The following ABCC1 variants were observed in gnomAD, a reference collection of about 807,000 sequenced individuals.
The protein encoded by ABCC1 is ATP binding cassette subfamily C member 1 (ABCC1 blood group), also known as multidrug resistance-associated protein 1.
ABCC1 carries 83 observed loss-of-function variants against 172.9 expected under a neutral mutation model. That is an observed-to-expected ratio of 0.48 (90% CI 0.40 to 0.58). ABCC1 has a LOEUF of 0.58. Among genes scored for constraint, ABCC1 ranks in the 20% least tolerant of loss-of-function variants. ABCC1 has a pLI of 0.00. For synonymous variants in ABCC1, 937 were observed against 825.2 expected (o/e 1.14, Z -2.32); for missense variants, 1,817 against 2,002.7 (o/e 0.91, Z 1.77).
Position 15,965,968 on chromosome 16 carries a change from G to A in ABCC1, c.48+16169G>A, listed in dbSNP as rs1192167039. On this transcript the variant is annotated intron_variant, in intron 1 of 30. Coordinates refer to ENST00000399410, the MANE Select transcript of ABCC1 (RefSeq NM_004996.4). ...GTATTGGCTTATTTCCTTAGATGATGTTCTCAGGAGTGGAATGAATAACAT... is the reference window on the plus strand; with the variant it reads ...GTATTGGCTTATTTCCTTAGATGATATTCTCAGGAGTGGAATGAATAACAT... Among the ~76,000 whole-genome samples the A allele has an allele frequency of 2.0e-5, 3 of 152,134 alleles. No homozygotes were observed. The East Asian group carries it at 5.8e-4, about 29-fold the overall frequency.
chr16:15,975,340 C>T (rs2046461067), intron 1 of ABCC1, among the ~76,000 whole-genome samples: 1 of 152,048 alleles, frequency 6.6e-6, no homozygotes, highest in African/African-American at 2.4e-5. Context: ...CTTGGGAGTT[C>T]TCCTGGTTTT....
intron 26 of ABCC1, among the ~76,000 whole-genome samples, chr16:16,128,824 C>T (rs1410794920): frequency 1.3e-5 from 2 of 152,056 alleles, no homozygotes; most frequent in Non-Finnish European, 2.9e-5. Context: ...CGGTGAATCC[C>T]GTCTCTACTA....
intron 12 of ABCC1, among the ~76,000 whole-genome samples, chr16:16,060,507 G>A (rs910674276): frequency 1.3e-5 from 2 of 151,994 alleles, no homozygotes; most frequent in Non-Finnish European, 2.9e-5. Context: ...TTACCGGGGT[G>A]CGTTGATGAA....
intron 20 of ABCC1, among the ~76,000 whole-genome samples, chr16:16,104,149 C>T (rs183421612): frequency 1.3e-5 from 2 of 152,280 alleles, no homozygotes; most frequent in Admixed American, 6.5e-5. Context: ...AATGTGGACC[C>T]AAACACTGAG....
At chr16:16,085,686 G>A (rs1406744359) in intron 17 of ABCC1, among the ~76,000 whole-genome samples, 2 of 152,196 alleles carry the variant, frequency 1.3e-5, no homozygotes, top group Non-Finnish European at 2.9e-5. Context: ...GGGCTGAGGT[G>A]AGAGGATTGC....
At chr16:16,009,192 C>G (rs1220324927) in intron 2 of ABCC1, among the ~76,000 whole-genome samples, 1 of 152,122 alleles carries the variant, frequency 6.6e-6, no homozygotes, top group Non-Finnish European at 1.5e-5. Flanking sequence ...CTCCTGGCTT[C>G]CAGTGATCCT....
At chr16:16,093,758 C>T (rs1056778065) in intron 19 of ABCC1, among the ~76,000 whole-genome samples, 2 of 152,094 alleles carry the variant, frequency 1.3e-5, no homozygotes, top group Admixed American at 1.3e-4. Context: ...TTTGGCTCTT[C>T]CTAAAGGGGA....
intron 1 of ABCC1, among the ~76,000 whole-genome samples, chr16:15,999,819 T>C (rs1000923994): frequency 1.5e-5 from 1 of 68,604 alleles, no homozygotes; most frequent in African/African-American, 4.8e-5. Flanking sequence ...CCTCTCTCTC[T>C]CTCTCTCTCT....
intron 12 of ABCC1, among the ~76,000 whole-genome samples, chr16:16,062,266 A>C (rs1026145702): frequency 6.6e-6 from 1 of 152,154 alleles, no homozygotes; most frequent in Non-Finnish European, 1.5e-5. Context: ...TTTGCTTATC[A>C]CTTCCTGCCC....
intron 16 of ABCC1, among the ~76,000 whole-genome samples, chr16:16,081,568 A>G (rs1292234049): frequency 6.6e-6 from 1 of 152,116 alleles, no homozygotes; most frequent in Non-Finnish European, 1.5e-5. Flanking sequence ...TATGTCTGAA[A>G]TTTCTGTGGG....
chr16:15,976,667 C>T (rs562239965), intron 1 of ABCC1, among the ~76,000 whole-genome samples: 8 of 152,222 alleles, frequency 5.3e-5, no homozygotes, highest in African/African-American at 9.6e-5. Context: ...CATTTTGGCA[C>T]GTGGCTTTAT....
chr16:16,106,946 A>G, intron 21 of ABCC1, 73 bp downstream of exon 21: 1 of 1,589,634 alleles, frequency 6.3e-7, no homozygotes, highest in South Asian at 1.1e-5. Context: ...GGCACTGTGC[A>G]AAGTGCCTTG....
chr16:16,101,555 A>G (rs549330082), intron 19 of ABCC1, among the ~76,000 whole-genome samples: 1 of 152,106 alleles, frequency 6.6e-6, no homozygotes, highest in Non-Finnish European at 1.5e-5. Context: ...CACCCTGACC[A>G]TGCTGCTGGC....
chr16:15,980,991 G>A (rs2046608249), intron 1 of ABCC1, among the ~76,000 whole-genome samples: 1 of 152,190 alleles, frequency 6.6e-6, no homozygotes, highest in South Asian at 2.1e-4. Flanking sequence ...AGGGGCTGCA[G>A]GCCCCATGCA....
At chr16:15,977,737 T>G (rs1206878130) in intron 1 of ABCC1, among the ~76,000 whole-genome samples, 1 of 152,172 alleles carries the variant, frequency 6.6e-6, no homozygotes, top group African/African-American at 2.4e-5. Flanking sequence ...TGTGAGCCAC[T>G]GTGTCCAGCC....
intron 23 of ABCC1, among the ~76,000 whole-genome samples, chr16:16,116,656 G>A (rs897169587): frequency 9.9e-5 from 15 of 151,164 alleles, no homozygotes; most frequent in African/African-American, 3.6e-4. Flanking sequence ...TCTGCCTCCC[G>A]GGTTCAAGTG....
chr16:16,091,694 C>T (rs929178600), intron 19 of ABCC1, among the ~76,000 whole-genome samples: 1 of 152,068 alleles, frequency 6.6e-6, no homozygotes, highest in African/African-American at 2.4e-5. Context: ...TGTGCCAGGA[C>T]GTGGGGGGCA....
At chr16:16,108,764 T>G (rs552652754) in intron 21 of ABCC1, among the ~76,000 whole-genome samples, 2 of 151,946 alleles carry the variant, frequency 1.3e-5, no homozygotes, top group African/African-American at 4.8e-5. Flanking sequence ...CTTGACTAAT[T>G]TTTTTAATTT....
At position 16,136,550 on chromosome 16, in the gene ABCC1, TG is replaced by T; in HGVS notation, c.4200del (p.Trp1400Ter). The T allele has an allele frequency of 6.2e-7, 1 of 1,614,194 alleles. No homozygotes were observed. The highest frequency in any genetic ancestry group is 8.5e-7 in the Non-Finnish European group (1 of 1,180,040). On this transcript the variant is annotated frameshift_variant, in exon 29 of 31. Coordinates refer to ENST00000399410, the MANE Select transcript of ABCC1 (RefSeq NM_004996.4). LOFTEE classifies it high-confidence loss of function. ...CAGCCAGTACTCGGATGAAGAAGTC[TG>T]GACGTCCCTGGAGCTGGCCCACCTG... ...PFSQYSDEEVWTSLELAHLKD... is the reference protein window; with the variant it reads ...PFSQYSDEEVXTSLELAHLKD...
Sources: gnomAD v4.1 joint callset for allele counts (sites outside exome capture counted in the v4.1 genomes callset) on GRCh38, gnomAD v4.1.1 for gene constraint, MANE v1.5 for transcripts, NCBI Gene and HGNC (gene_info 2026-07-23, HGNC 2026-07-21) for gene names.